The following COL14A1 variants were observed in gnomAD, a reference collection of about 807,000 sequenced individuals.
COL14A1 encodes the protein collagen type XIV alpha 1 chain.
COL14A1 carries 136 observed loss-of-function variants against 230.3 expected under a neutral mutation model. The ratio of observed to expected loss-of-function variants is 0.59; its 90% CI spans 0.51 to 0.68. The LOEUF is 0.68. Among genes scored for constraint, COL14A1 ranks in the 30% least tolerant of loss-of-function variants. The pLI is 0.00. For missense variants in COL14A1, 1,976 were observed against 2,215.8 expected, an observed-to-expected ratio of 0.89 and a Z score of 2.17; for synonymous variants, 792 against 784.1, an observed-to-expected ratio of 1.01 and a Z score of -0.17.
intron 22 of COL14A1, among the ~76,000 whole-genome samples, chr8:120,254,635 C>T (rs1819080113): frequency 6.6e-6 from 1 of 151,948 alleles, no homozygotes; most frequent in Admixed American, 6.6e-5. Flanking sequence ...CCCAACATTT[C>T]ATCATCCTTT....
At chr8:120,265,979 C>T (rs1181131566) in intron 24 of COL14A1, among the ~76,000 whole-genome samples, 1 of 152,056 alleles carries the variant, frequency 6.6e-6, no homozygotes, top group Non-Finnish European at 1.5e-5. Flanking sequence ...TGAGGCTAGA[C>T]ATCCCCTCTG....
At chr8:120,349,399 G>A (rs1465912031) in intron 45 of COL14A1, among the ~76,000 whole-genome samples, 18 of 150,150 alleles carry the variant, frequency 1.2e-4, no homozygotes, top group South Asian at 2.1e-4. Context: ...TGACTTTGAC[G>A]AGCTGAGAGA....
intron 34 of COL14A1, among the ~76,000 whole-genome samples, chr8:120,295,727 C>T (rs1586840047): frequency 6.6e-6 from 1 of 151,684 alleles, no homozygotes; most frequent in East Asian, 1.9e-4. Context: ...AACTATGTTC[C>T]AGGTACTGTT....
At chr8:120,155,102 T>C (rs918176743) in intron 2 of COL14A1, among the ~76,000 whole-genome samples, 1 of 152,214 alleles carries the variant, frequency 6.6e-6, no homozygotes, top group Non-Finnish European at 1.5e-5. Context: ...AACCAAGATC[T>C]CCTTTTGATG....
At chr8:120,333,907 A>G (rs150810565) in intron 42 of COL14A1, among the ~76,000 whole-genome samples, 28 of 152,318 alleles carry the variant, frequency 1.8e-4, no homozygotes, top group African/African-American at 6.5e-4. Flanking sequence ...TTCAGGACCT[A>G]TGTGATTACA....
Position 120,187,552 on chromosome 8 carries a change from T to G in COL14A1, c.437-9239T>G, listed in dbSNP as rs543663320. Among the ~76,000 whole-genome samples the G allele has an allele frequency of 5.3e-5, 8 of 152,324 alleles. No individual in the cohort carries two copies. In the South Asian group the frequency reaches 1.5e-3, roughly 28 times the overall value. ...ATAGATTTTCAAAAAAATAAATAAA[T>G]TTCATCTAGGAAATTAGTTGCATAA... On this transcript the variant is annotated intron_variant, in intron 5 of 47. Coordinates refer to ENST00000297848, the MANE Select transcript of COL14A1 (RefSeq NM_021110.4).
intron 2 of COL14A1, 117 bp downstream of exon 2, chr8:120,148,047 G>T: frequency 1.5e-6 from 1 of 681,314 alleles, no homozygotes; most frequent in Admixed American, 2.7e-5. Context: ...TTTACCAACT[G>T]TTTGCACTGT....
chr8:120,208,813 C>T (rs1222883764), intron 11 of COL14A1, among the ~76,000 whole-genome samples: 1 of 151,896 alleles, frequency 6.6e-6, no homozygotes, highest in Non-Finnish European at 1.5e-5. Flanking sequence ...CTAATAATTC[C>T]CTCCCTGGGT....
chr8:120,273,923 T>G (rs1819757123), intron 26 of COL14A1, among the ~76,000 whole-genome samples: 1 of 151,700 alleles, frequency 6.6e-6, no homozygotes, highest in Non-Finnish European at 1.5e-5. Context: ...CACAACTACT[T>G]TTGCACCAAC....
At chr8:120,269,647 A>G (rs750130466) in intron 25 of COL14A1, among the ~76,000 whole-genome samples, 3 of 151,788 alleles carry the variant, frequency 2.0e-5, no homozygotes, top group Non-Finnish European at 2.9e-5. Flanking sequence ...CAGGGTGCAC[A>G]GAGTGATAGT....
At chr8:120,204,367 T>C (rs1817363571) in intron 9 of COL14A1, among the ~76,000 whole-genome samples, 1 of 152,166 alleles carries the variant, frequency 6.6e-6, no homozygotes, top group African/African-American at 2.4e-5. Context: ...AGACAACCAC[T>C]ACTCCATCTC....
At chr8:120,164,455 C>T (rs529321155) in intron 4 of COL14A1, among the ~76,000 whole-genome samples, 92 of 152,128 alleles carry the variant, frequency 6.0e-4, no homozygotes, top group African/African-American at 2.0e-3. Context: ...TTTTGTGAGA[C>T]TTATAGGCTG....
chr8:120,235,054 G>A (rs886248803), intron 19 of COL14A1, among the ~76,000 whole-genome samples: 2 of 152,138 alleles, frequency 1.3e-5, no homozygotes, highest in African/African-American at 2.4e-5. Flanking sequence ...GGGTGTATGT[G>A]TCCAGGAATT....
intron 44 of COL14A1, among the ~76,000 whole-genome samples, chr8:120,344,756 T>A (rs1443279366): frequency 2.0e-5 from 3 of 152,252 alleles, no homozygotes; most frequent in Non-Finnish European, 4.4e-5. Flanking sequence ...GACATCATGG[T>A]ATCAAGTACT....
At chr8:120,148,315 T>A (rs1815165688) in intron 2 of COL14A1, among the ~76,000 whole-genome samples, 1 of 152,044 alleles carries the variant, frequency 6.6e-6, no homozygotes, top group East Asian at 1.9e-4. Flanking sequence ...GTATTTTTAG[T>A]AGAAACAGGG....
chr8:120,221,040 A>G (rs759159221), intron 14 of COL14A1, among the ~76,000 whole-genome samples: 2 of 152,210 alleles, frequency 1.3e-5, no homozygotes, highest in Non-Finnish European at 2.9e-5. Context: ...AAGTCATCTC[A>G]GGTAGCATTT....
At chr8:120,327,646 A>G (rs1239031704) in intron 40 of COL14A1, among the ~76,000 whole-genome samples, 1 of 152,220 alleles carries the variant, frequency 6.6e-6, no homozygotes. Flanking sequence ...GAATGACACC[A>G]GCATTCCCCT....
At chr8:120,331,107 CAAAAA>C (rs35915187) in intron 40 of COL14A1, among the ~76,000 whole-genome samples, 3,886 of 61,304 alleles carry the variant, frequency 0.063, 101 homozygotes, top group African/African-American at 0.18. Context: ...CTCTGTCTCA[CAAAAA>C]AAAAAAAAAA....
chr8:120,240,279 G>T (rs949680239), intron 19 of COL14A1, among the ~76,000 whole-genome samples: 10 of 151,752 alleles, frequency 6.6e-5, no homozygotes, highest in Non-Finnish European at 1.2e-4. Flanking sequence ...AATTAAATAA[G>T]ATATGTACAC....
Sources: gnomAD v4.1 joint callset for allele counts (sites outside exome capture counted in the v4.1 genomes callset) on GRCh38, gnomAD v4.1.1 for gene constraint, MANE v1.5 for transcripts, NCBI Gene and HGNC (gene_info 2026-07-23, HGNC 2026-07-21) for gene names.